The following COL4A3 variants were observed in gnomAD, a reference collection of about 807,000 sequenced individuals.
COL4A3 encodes collagen alpha-3(IV) chain.
A neutral mutation model predicts 217.4 loss-of-function variants in COL4A3; 135 were observed. That is an observed-to-expected ratio of 0.62 (90% CI 0.54 to 0.72). COL4A3 has a LOEUF of 0.72. Ranked by LOEUF, COL4A3 falls within the 30% of genes least tolerant of loss-of-function variation. The pLI is 0.00. For missense variants in COL4A3, 1,868 were observed against 2,119.9 expected (o/e 0.88, Z 2.33); for synonymous variants, 690 against 736.3 (o/e 0.94, Z 1.02).
chr2:227,168,576 T>A (rs1014950080), intron 1 of COL4A3, among the ~76,000 whole-genome samples: 6 of 152,214 alleles, frequency 3.9e-5, no homozygotes, highest in African/African-American at 1.4e-4. Context: ...TTTATTCCAA[T>A]CTTTGGTTTA....
chr2:227,201,987 G>A (rs2066704113), intron 1 of COL4A3, among the ~76,000 whole-genome samples: 1 of 152,154 alleles, frequency 6.6e-6, no homozygotes, highest in Non-Finnish European at 1.5e-5. Context: ...CCATTAACCT[G>A]AATGCTGGTA....
intron 23 of COL4A3, chr2:227,268,328 C>T (rs2071038762): frequency 6.6e-6 from 1 of 152,284 alleles, no homozygotes; most frequent in Admixed American, 6.5e-5. Context: ...AGAGACTGAA[C>T]TGAAATCTAG....
In COL4A3 at chr2:227,182,387, T is replaced by C. The variant is rs115591408; in HGVS notation, c.87+17574T>C. On this transcript the variant is annotated intron_variant, in intron 1 of 51. Transcript: ENST00000396578. The stretch of plus-strand genomic sequence containing the variant: ...ACATTGGCTCAAGATCATTCACTCA[T>C]TGGAAGAGAATTTTGAGTCAGTGCA... Among the ~76,000 whole-genome samples, 1,233 of 152,288 alleles carry C rather than the reference T, an allele frequency of 8.1e-3. 19 individuals carry two copies. Among genetic ancestry groups the C allele is most frequent in the African/African-American group, 0.028 (1,172 of 41,546 alleles).
chr2:227,275,691 C>T (rs1486496797), intron 26 of COL4A3, among the ~76,000 whole-genome samples: 1 of 152,104 alleles, frequency 6.6e-6, no homozygotes, highest in South Asian at 2.1e-4. Flanking sequence ...GGTAGGCATT[C>T]TTTCCCCCGC....
intron 1 of COL4A3, among the ~76,000 whole-genome samples, chr2:227,186,911 A>G (rs6705248): frequency 0.17 from 25,880 of 152,040 alleles, 2,376 homozygotes; most frequent in Admixed American, 0.25. Context: ...TTCCTGGTTC[A>G]TAGATAATAC....
At chr2:227,262,280 C>T (rs868628605) in intron 20 of COL4A3, among the ~76,000 whole-genome samples, 13 of 152,016 alleles carry the variant, frequency 8.6e-5, no homozygotes, top group Non-Finnish European at 1.5e-4. Flanking sequence ...ACCTCCTTCC[C>T]CCTGCCAGGC....
chr2:227,246,549 C>T (rs2069351172), intron 6 of COL4A3, 136 bp from the exon 7 acceptor site: 1 of 728,230 alleles, frequency 1.4e-6, no homozygotes, highest in African/African-American at 1.8e-5. Context: ...AGCCTCATGA[C>T]CCAGTAGCCA....
intron 1 of COL4A3, among the ~76,000 whole-genome samples, chr2:227,175,954 T>G (rs112008167): frequency 2.6e-5 from 4 of 152,208 alleles, no homozygotes; most frequent in Middle Eastern, 3.2e-3. Flanking sequence ...TTCAGTCTCA[T>G]TGGGATAGGT....
Position 227,308,953 on chromosome 2 carries a change from A to G in COL4A3, c.4517A>G (p.Asn1506Ser). The change falls in exon 49 of 52, where the codon AAT becomes AGT. Residue 1506 changes from asparagine to serine, a missense_variant. Physicochemically the swap from Asn to Ser is conservative, Grantham distance 46 (BLOSUM62 1). Coordinates refer to ENST00000396578, the MANE Select transcript of COL4A3 (RefSeq NM_000091.5). The part of the protein sequence containing the change: ...RFTTMPFLFC[N>S]VNDVCNFASR... ...ACCACAATGCCATTCTTATTCTGCAATGTCAATGATGTATGTAATTTTGCA... is the reference window on the plus strand; with the variant it reads ...ACCACAATGCCATTCTTATTCTGCAGTGTCAATGATGTATGTAATTTTGCA... The G allele has an allele frequency of 1.9e-6, 3 of 1,614,224 alleles. No homozygotes were observed. The highest frequency in any genetic ancestry group is 2.5e-6 in the Non-Finnish European group (3 of 1,180,040).
In COL4A3 at chr2:227,312,585, TCTG is replaced by T. The variant is rs1480258022; in HGVS notation, c.*718_*720del. On this transcript the variant is annotated 3_prime_UTR_variant, in exon 52 of 52. Transcript: ENST00000396578. ...AATTCATTTCACTGTAGCTCTAAAA[TCTG>T]CTTGTATTCCAAGCATATAAAATTT... The T allele has an allele frequency of 6.6e-6, 1 of 152,530 alleles. No individual in the cohort carries two copies. The highest frequency in any genetic ancestry group is 1.9e-4 in the East Asian group (1 of 5,208). The allele number at this position is 152,530 out of a possible 1,614,324, so 9.4% of individuals were successfully genotyped here.
Position 227,170,705 on chromosome 2 carries a change from C to A in COL4A3, c.87+5892C>A, listed in dbSNP as rs79416505. On this transcript the variant is annotated intron_variant, in intron 1 of 51. Coordinates refer to ENST00000396578, the MANE Select transcript of COL4A3 (RefSeq NM_000091.5). ...ACTTCAGGGCAATGCTAAATAAAAG[C>A]AGTAATAGTATGTATTTTTGTCTCA... Among the ~76,000 whole-genome samples, 55 of 152,132 alleles carry A rather than the reference C, an allele frequency of 3.6e-4. No homozygotes were observed. In the East Asian group the frequency reaches 9.9e-3, roughly 27 times the overall value.
chr2:227,304,759 C>T (rs556892357), intron 46 of COL4A3, among the ~76,000 whole-genome samples: 57 of 152,176 alleles, frequency 3.7e-4, no homozygotes, highest in Non-Finnish European at 7.3e-4. Context: ...TTTTAAACTG[C>T]TGCATTTAGT....
At chr2:227,276,987 G>T (rs2071603224) in intron 27 of COL4A3, among the ~76,000 whole-genome samples, 1 of 152,168 alleles carries the variant, frequency 6.6e-6, no homozygotes, top group Non-Finnish European at 1.5e-5. Flanking sequence ...CCATTGGATA[G>T]GGACAGGGAG....
In COL4A3 at chr2:227,284,461, C is replaced by G. The variant is rs2072196638; in HGVS notation, c.2881+116C>G. 1.1e-5 allele frequency: 13 copies of G among 1,193,538 alleles called. No individual in the cohort carries two copies. The South Asian group carries it at 1.6e-4, about 14-fold the overall frequency. 73.9% of individuals were successfully genotyped at this position (1,193,538 alleles called of 1,614,324 possible). A position where few individuals can be genotyped will look rare whatever the true frequency, so the allele number is the denominator to read the frequency against. On this transcript the variant is annotated intron_variant, in intron 34 of 51. Coordinates refer to ENST00000396578, the MANE Select transcript of COL4A3 (RefSeq NM_000091.5). ...GACAGTGAGGGCCAGTGTTTAGTTA[C>G]CTGCCCATCACACAGCCGGTTGGTG...
chr2:227,289,185 G>A lies in COL4A3; in HGVS notation c.2917G>A (p.Gly973Ser), dbSNP rs529090890. ...AGNPGEKGNRGVPGMPGLKGL... is the reference protein window; with the variant it reads ...AGNPGEKGNRSVPGMPGLKGL... ...AAATCCAGGTGAGAAAGGAAACAGAGGCGTTCCAGGGATGCCAGGTTTAAA... is the reference window on the plus strand; with the variant it reads ...AAATCCAGGTGAGAAAGGAAACAGAAGCGTTCCAGGGATGCCAGGTTTAAA... The change falls in exon 35 of 52, where the codon GGC (glycine) becomes AGC (serine). Residue 973 changes from glycine to serine, a missense_variant. This residue lies in a region of COL4A3 where 1,503 missense variants were observed against 1,786.1 expected (regional missense o/e 0.84). Coordinates refer to ENST00000396578, the MANE Select transcript of COL4A3 (RefSeq NM_000091.5). 1.2e-6 allele frequency: 2 copies of A among 1,613,822 alleles called. No individual in the cohort carries two copies. The highest frequency in any genetic ancestry group is 1.7e-5 in the Admixed American group (1 of 59,970).
chr2:227,308,878 C>T (rs2073624648), intron 48 of COL4A3, 21 bp from the exon 49 acceptor site: 1 of 1,611,450 alleles, frequency 6.2e-7, no homozygotes, highest in South Asian at 1.1e-5. Flanking sequence ...GAAAGTGATA[C>T]TCAGTCTGAT....
chr2:227,281,103 A>G, intron 31 of COL4A3, 97 bp downstream of exon 31: 2 of 791,294 alleles, frequency 2.5e-6, no homozygotes, highest in South Asian at 2.9e-5. Flanking sequence ...GTCCAGCCAC[A>G]AGTCCTGACC....
At position 227,253,186 on chromosome 2, in the gene COL4A3, T is replaced by A; in HGVS notation, c.646-110T>A. On this transcript the variant is annotated intron_variant, in intron 11 of 51. Transcript: ENST00000396578. The surrounding 1 kb of genome is among the most constrained non-coding windows in gnomAD (Gnocchi z 4.4). ...AGCTAAAATATGTATCATTCTAAAA[T>A]GAAAGTTAAAATATAAATGCTCCCT... The A allele has an allele frequency of 1.1e-6, 1 of 893,586 alleles. No individual in the cohort carries two copies. The highest frequency in any genetic ancestry group is 1.8e-6 in the Non-Finnish European group (1 of 556,188). The allele number at this position is 893,586 out of a possible 1,614,324, so 55.4% of individuals were successfully genotyped here. A position where few individuals can be genotyped will look rare whatever the true frequency, so the allele number is the denominator to read the frequency against.
At chr2:227,185,742 T>A (rs1156853186) in intron 1 of COL4A3, among the ~76,000 whole-genome samples, 1 of 152,198 alleles carries the variant, frequency 6.6e-6, no homozygotes, top group Non-Finnish European at 1.5e-5. Context: ...GTTTTCAAAC[T>A]TCAGTGTGCA....
Sources: gnomAD v4.1 joint callset for allele counts (sites outside exome capture counted in the v4.1 genomes callset) on GRCh38, gnomAD v4.1.1 for gene constraint, gnomAD v4.1.1 regional missense constraint, Gnocchi (gnomAD v3.1) non-coding constraint, MANE v1.5 for transcripts, NCBI Gene and HGNC (gene_info 2026-07-23, HGNC 2026-07-21) for gene names.